The following IQCJ variants were observed in gnomAD, a reference collection of about 807,000 sequenced individuals.
IQCJ encodes IQ motif containing J.
IQCJ carries 9 observed loss-of-function variants against 11.0 expected under a neutral mutation model. That is an observed-to-expected ratio of 0.82 (90% CI 0.49 to 1.43). The LOEUF is 1.43. Ranked by LOEUF, IQCJ falls within the 40% of genes most tolerant of loss-of-function variation. The pLI is 0.00. For missense variants in IQCJ, 146 were observed against 133.2 expected (o/e 1.10, Z -0.47); for synonymous variants, 55 against 51.3 (o/e 1.07, Z -0.31).
rs1303616507 is a variant in IQCJ, at chr3:159,131,566, G to A, written c.9+62125G>A. Among the ~76,000 whole-genome samples the A allele has an allele frequency of 4.6e-5, 7 of 152,120 alleles. No homozygotes were observed. The South Asian group carries it at 6.2e-4, about 14-fold the overall frequency. On this transcript the variant is annotated intron_variant, in intron 1 of 3. Coordinates refer to ENST00000397832, the MANE Select transcript of IQCJ (RefSeq NM_001042706.3). ...TCCAGGATAAACCCTCCTAGATGGT[G>A]CAATTCTCACTGAGCTTTAGTAACA...
intron 1 of IQCJ, among the ~76,000 whole-genome samples, chr3:159,198,604 G>A (rs572914015): frequency 6.6e-6 from 1 of 152,308 alleles, no homozygotes; most frequent in African/African-American, 2.4e-5. Flanking sequence ...ACATAGCTAG[G>A]AAGGGGATGA....
At chr3:159,265,477 G>C, downstream of IQCJ, 1 of 1,214,538 alleles carries the variant, frequency 8.2e-7, no homozygotes, top group Non-Finnish European at 1.1e-6. Context: ...CAAGAAATGA[G>C]CTTCCTCTAA....
At chr3:159,089,351 C>T (rs1717059573) in intron 1 of IQCJ, among the ~76,000 whole-genome samples, 1 of 152,132 alleles carries the variant, frequency 6.6e-6, no homozygotes, top group Admixed American at 6.5e-5. Context: ...CTGCCCTTAA[C>T]ATTTTTTCCT....
chr3:159,156,911 AG>A (rs1307262976), intron 1 of IQCJ, among the ~76,000 whole-genome samples: 4 of 152,212 alleles, frequency 2.6e-5, no homozygotes, highest in Non-Finnish European at 5.9e-5. Flanking sequence ...GAGGCCAGCC[AG>A]GGGGCTTACT....
chr3:159,150,331 T>G (rs1721137621), intron 1 of IQCJ, among the ~76,000 whole-genome samples: 1 of 152,058 alleles, frequency 6.6e-6, no homozygotes, highest in Non-Finnish European at 1.5e-5. Flanking sequence ...GGTGACAGTG[T>G]AGAGTTAGGC....
intron 2 of IQCJ, among the ~76,000 whole-genome samples, chr3:159,246,731 C>T (rs1727295115): frequency 6.6e-6 from 1 of 152,130 alleles, no homozygotes; most frequent in Non-Finnish European, 1.5e-5. Context: ...CTACAAAGAG[C>T]TGAGGATGTG....
intron 1 of IQCJ, among the ~76,000 whole-genome samples, chr3:159,174,051 T>A (rs2108242621): frequency 6.6e-6 from 1 of 152,300 alleles, no homozygotes; most frequent in African/African-American, 2.4e-5. Flanking sequence ...CATTAAAATG[T>A]TATCTCATAA....
At chr3:159,190,819 G>A (rs1179628396) in intron 1 of IQCJ, among the ~76,000 whole-genome samples, 2 of 152,202 alleles carry the variant, frequency 1.3e-5, no homozygotes, top group Non-Finnish European at 2.9e-5. Context: ...TAGGCTTAAT[G>A]TCAGGAGTAA....
At chr3:159,195,878 T>C (rs945050378) in intron 1 of IQCJ, among the ~76,000 whole-genome samples, 2 of 152,224 alleles carry the variant, frequency 1.3e-5, no homozygotes, top group Non-Finnish European at 2.9e-5. Context: ...ATTCAACCTG[T>C]TGCTTATTAA....
At chr3:159,211,173 A>G (rs1323265196) in intron 1 of IQCJ, among the ~76,000 whole-genome samples, 2 of 152,192 alleles carry the variant, frequency 1.3e-5, no homozygotes, top group Non-Finnish European at 2.9e-5. Flanking sequence ...TTCTGAAAAT[A>G]TTGTATTGGG....
At chr3:159,161,311 G>C (rs975764003) in intron 1 of IQCJ, among the ~76,000 whole-genome samples, 9 of 152,126 alleles carry the variant, frequency 5.9e-5, no homozygotes, top group Admixed American at 3.9e-4. Context: ...TGTGTTTTTT[G>C]GCTGCATAAA....
intron 3 of IQCJ, among the ~76,000 whole-genome samples, chr3:159,260,513 TG>T (rs1224908004): frequency 2.0e-5 from 3 of 152,154 alleles, no homozygotes; most frequent in Non-Finnish European, 4.4e-5. Context: ...ATTTGTTAGC[TG>T]GGCTCTGGGA....
At chr3:159,246,325 G>T (rs961912066) in intron 2 of IQCJ, among the ~76,000 whole-genome samples, 1 of 152,154 alleles carries the variant, frequency 6.6e-6, no homozygotes, top group African/African-American at 2.4e-5. Context: ...AAGCAAAAAA[G>T]AAGAGATGAA....
At chr3:159,114,313 GT>G (rs548777411) in intron 1 of IQCJ, among the ~76,000 whole-genome samples, 103 of 143,000 alleles carry the variant, frequency 7.2e-4, no homozygotes, top group East Asian at 1.0e-3. Flanking sequence ...GTTTCTAAAT[GT>G]TTTTTTTTTT....
At chr3:159,187,519 C>T (rs1723437921) in intron 1 of IQCJ, among the ~76,000 whole-genome samples, 2 of 152,254 alleles carry the variant, frequency 1.3e-5, no homozygotes, top group Non-Finnish European at 2.9e-5. Context: ...ACCAACACGG[C>T]AGGGCTTCGC....
intron 1 of IQCJ, among the ~76,000 whole-genome samples, chr3:159,195,648 A>G (rs185773857): frequency 1.3e-5 from 2 of 152,342 alleles, no homozygotes; most frequent in African/African-American, 2.4e-5. Context: ...GAACACAGGT[A>G]TCCTTACGAT....
intron 1 of IQCJ, among the ~76,000 whole-genome samples, chr3:159,159,238 A>G (rs1721700253): frequency 1.3e-5 from 2 of 152,162 alleles, no homozygotes; most frequent in Admixed American, 1.3e-4. Flanking sequence ...CAGGACAGAG[A>G]GAATATTGGC....
intron 1 of IQCJ, among the ~76,000 whole-genome samples, chr3:159,208,894 A>G (rs575638112): frequency 1.3e-5 from 2 of 152,334 alleles, no homozygotes; most frequent in African/African-American, 4.8e-5. Context: ...CACAGAAAGA[A>G]TGCCATGTGA....
chr3:159,094,938 A>C (rs1717621960), intron 1 of IQCJ, among the ~76,000 whole-genome samples: 1 of 151,864 alleles, frequency 6.6e-6, no homozygotes, highest in Admixed American at 6.5e-5. Flanking sequence ...AGGTAGTAAT[A>C]ACTGCTGCCT....
Sources: gnomAD v4.1 joint callset for allele counts (sites outside exome capture counted in the v4.1 genomes callset) on GRCh38, gnomAD v4.1.1 for gene constraint, MANE v1.5 for transcripts, NCBI Gene and HGNC (gene_info 2026-07-23, HGNC 2026-07-21) for gene names.